KLHL20: variants seen among roughly 807,000 people sequenced by gnomAD.
The protein encoded by KLHL20 is kelch-like protein 20.
KLHL20 carries 29 observed loss-of-function variants against 69.5 expected under a neutral mutation model. The ratio of observed to expected loss-of-function variants is 0.42; its 90% CI spans 0.31 to 0.57. KLHL20 has a LOEUF of 0.57. KLHL20 is among the 20% of genes least tolerant of loss of function. KLHL20 has a pLI of 0.18. For synonymous variants in KLHL20, 253 were observed against 265.2 expected, an observed-to-expected ratio of 0.95 and a Z score of 0.45; for missense variants, 419 against 776.0, an observed-to-expected ratio of 0.54 and a Z score of 5.47.
intron 3 of KLHL20, among the ~76,000 whole-genome samples, chr1:173,748,531 G>T (rs1673168976): frequency 6.6e-6 from 1 of 152,072 alleles, no homozygotes; most frequent in Non-Finnish European, 1.5e-5. Flanking sequence ...TTCTTTAGAT[G>T]CCTTGATAAC....
rs140689867 is a variant in KLHL20 at position 173,742,299 on chromosome 1, C to T, written c.597+8013C>T. Among the ~76,000 whole-genome samples the T allele has an allele frequency of 2.2e-4, 34 of 152,202 alleles. No homozygotes were observed. In the East Asian group the frequency reaches 4.2e-3, roughly 19 times the overall value. On this transcript the variant is annotated intron_variant, in intron 3 of 11. Coordinates refer to ENST00000209884, the MANE Select transcript of KLHL20 (RefSeq NM_014458.4). ...ACAACCCTTTTGAAAGGAACTACGG[C>T]GGTATCTATCAAAGTTACATACTTT...
chr1:173,766,316 G>T, intron 8 of KLHL20, 27 bp downstream of exon 8: 1 of 1,556,776 alleles, frequency 6.4e-7, no homozygotes. Flanking sequence ...GTCATTTTCC[G>T]TATTTTTATT....
At position 173,759,376 on chromosome 1, in the gene KLHL20, C is replaced by T. The variant is rs180730593; in HGVS notation, c.1151+2217C>T. 1.1e-4 allele frequency among the ~76,000 whole-genome samples: 16 copies of T among 152,284 alleles called. No homozygotes were observed. In the East Asian group the frequency reaches 2.9e-3, roughly 28 times the overall value. On this transcript the variant is annotated intron_variant, in intron 7 of 11. Coordinates refer to ENST00000209884, the MANE Select transcript of KLHL20 (RefSeq NM_014458.4). ...CTACCACCAGTCTCTCTCCACACTA[C>T]TACAGCTGATGTTTTCTGGAAAGCA...
Position 173,778,278 on chromosome 1 carries a change from G to C in KLHL20, c.1638+2436G>C, listed in dbSNP as rs1253049732. ...GTTCCCCGCCCTGTGTCTAAGTGAT[G>C]TCATTGTTCAATTCCGCTGGGAGAT... On this transcript the variant is annotated intron_variant, in intron 10 of 11. Transcript: ENST00000209884. Among the ~76,000 whole-genome samples, 3 of 151,404 alleles carry C rather than the reference G, an allele frequency of 2.0e-5. No homozygotes were observed. In the East Asian group the frequency reaches 5.8e-4, roughly 29 times the overall value.
At chr1:173,749,606 T>A (rs1001057105) in intron 3 of KLHL20, among the ~76,000 whole-genome samples, 2 of 152,204 alleles carry the variant, frequency 1.3e-5, no homozygotes, top group Admixed American at 6.5e-5. Flanking sequence ...TTATTTTTAC[T>A]CTCTGCTCTT....
Position 173,733,807 on chromosome 1 carries a change from C to G in KLHL20, c.118C>G (p.Pro40Ala), listed in dbSNP as rs780079438. The G allele has an allele frequency of 6.2e-7, 1 of 1,614,162 alleles. No individual in the cohort carries two copies. Among genetic ancestry groups the G allele is most frequent in the Non-Finnish European group, 8.5e-7 (1 of 1,180,030 alleles). The change falls in exon 3 of 12, where the codon CCT becomes GCT. Residue 40 changes from proline (P) to alanine (A), a missense_variant. By Grantham distance (27) the Pro-to-Ala change is conservative. Coordinates refer to ENST00000209884, the MANE Select transcript of KLHL20 (RefSeq NM_014458.4). Reference protein sequence around the residue: ...PNKLPEGVPQPARMPYISDKH... With the variant: ...PNKLPEGVPQAARMPYISDKH... ...CAAACTGCCAGAAGGGGTTCCCCAA[C>G]CTGCCCGCATGCCCTATATCTCAGA...
chr1:173,774,336 G>A lies in KLHL20; in HGVS notation c.1327G>A (p.Val443Ile). 6.2e-7 allele frequency: 1 copy of A among 1,614,138 alleles called. No individual in the cohort carries two copies. The highest frequency in any genetic ancestry group is 8.5e-7 in the Non-Finnish European group (1 of 1,180,010). ...YDPKENKWTR[V>I]ASMSTRRLGV... ...TCCGAAGGAGAACAAGTGGACTCGG[G>A]TAGCTTCTATGAGTACCAGAAGACT... The change falls in exon 9 of 12, where the codon GTA becomes ATA. Residue 443 changes from valine (V) to isoleucine (I), a missense_variant. Around this residue, in one of 6 missense-constraint regions of KLHL20, gnomAD observed 56 missense variants for 75.9 expected, o/e 0.74. Transcript: ENST00000209884.
chr1:173,749,835 AAAAT>A (rs1322299681), intron 3 of KLHL20, among the ~76,000 whole-genome samples: 1 of 152,210 alleles, frequency 6.6e-6, no homozygotes, highest in Non-Finnish European at 1.5e-5. Flanking sequence ...ATCACAGAGA[AAAAT>A]AAGAGGAAAG....
At chr1:173,719,264 G>A (rs956086363) in intron 2 of KLHL20, among the ~76,000 whole-genome samples, 11 of 152,076 alleles carry the variant, frequency 7.2e-5, no homozygotes, top group Admixed American at 2.6e-4. Flanking sequence ...GTTACAACCA[G>A]TTCTGTCTGC....
At position 173,775,836 on chromosome 1, in the gene KLHL20, T is replaced by C. The variant is rs781111322; in HGVS notation, c.1632T>C (p.Arg544=). 3 of 1,614,070 alleles carry C rather than the reference T, an allele frequency of 1.9e-6. No homozygotes were observed. Among genetic ancestry groups the C allele is most frequent in the Admixed American group, 1.7e-5 (1 of 60,022 alleles). The change falls in exon 10 of 12, where the codon CGT becomes CGC. Residue 544 remains arginine (R), a synonymous_variant. Coordinates refer to ENST00000209884, the MANE Select transcript of KLHL20 (RefSeq NM_014458.4). ...WSPVVAMTSR[R]SGVGLAVVNG... The stretch of plus-strand genomic sequence containing the variant: ...CAGTGGTGGCCATGACATCACGCCG[T>C]AGTGGAGTAAGTGGTTATGGACACT...
At chr1:173,757,882 G>A (rs1054316963) in intron 7 of KLHL20, among the ~76,000 whole-genome samples, 2 of 152,076 alleles carry the variant, frequency 1.3e-5, no homozygotes, top group African/African-American at 4.8e-5. Context: ...CGCAGTGACT[G>A]GGCACATTGG....
chr1:173,768,165 G>C (rs1295128286), intron 8 of KLHL20, among the ~76,000 whole-genome samples: 8 of 151,924 alleles, frequency 5.3e-5, no homozygotes, highest in Admixed American at 2.0e-4. Context: ...AAAGCTTAAA[G>C]TATTTTGTAT....
intron 2 of KLHL20, among the ~76,000 whole-genome samples, chr1:173,731,447 G>T (rs1672271987): frequency 6.6e-6 from 1 of 152,140 alleles, no homozygotes; most frequent in Admixed American, 6.6e-5. Context: ...ATTCACAATA[G>T]CAAAGACTTG....
chr1:173,752,055 G>T (rs1201915760), intron 4 of KLHL20, 133 bp downstream of exon 4: 6 of 733,308 alleles, frequency 8.2e-6, no homozygotes, highest in Non-Finnish European at 1.3e-5. Context: ...GGCCAACATG[G>T]TGAAACCCTG....
intron 3 of KLHL20, among the ~76,000 whole-genome samples, chr1:173,743,600 C>T (rs1156997473): frequency 1.3e-4 from 19 of 150,964 alleles, no homozygotes; most frequent in Admixed American, 1.3e-3. Flanking sequence ...TTTCTTAACC[C>T]GTATTCATTG....
At chr1:173,731,021 C>A (rs1272166183) in intron 2 of KLHL20, among the ~76,000 whole-genome samples, 2 of 151,950 alleles carry the variant, frequency 1.3e-5, no homozygotes, top group Non-Finnish European at 2.9e-5. Context: ...AACAAATTTA[C>A]AAGAAAAAAA....
chr1:173,731,972 C>T (rs577991605), intron 2 of KLHL20, among the ~76,000 whole-genome samples: 2,055 of 151,900 alleles, frequency 0.014, 23 homozygotes, highest in Non-Finnish European at 0.022. Flanking sequence ...CTGAGGCAGG[C>T]GGATCACGAG....
chr1:173,742,717 C>T (rs1385897605), intron 3 of KLHL20, among the ~76,000 whole-genome samples: 2 of 149,872 alleles, frequency 1.3e-5, no homozygotes, highest in Non-Finnish European at 1.5e-5. Flanking sequence ...CATATGTACA[C>T]ATGTATGTAT....
chr1:173,745,170 C>CTTTT (rs796578983), intron 3 of KLHL20, among the ~76,000 whole-genome samples: 5 of 115,524 alleles, frequency 4.3e-5, no homozygotes, highest in Non-Finnish European at 5.3e-5. Context: ...TTTCTTTTTT[C>CTTTT]TTTTTTTTTT....
Sources: allele counts gnomAD v4.1 joint callset (sites outside exome capture counted in the v4.1 genomes callset), GRCh38; gene constraint gnomAD v4.1.1; regional missense constraint gnomAD v4.1.1; transcripts MANE v1.5; gene names NCBI Gene and HGNC (gene_info 2026-07-23, HGNC 2026-07-21).